TMEM178B: variants seen among roughly 807,000 people sequenced by gnomAD.
TMEM178B encodes the protein transmembrane protein 178B.
TMEM178B carries 5 observed loss-of-function variants against 31.0 expected under a neutral mutation model. That is an observed-to-expected ratio of 0.16 (90% confidence interval 0.08 to 0.34). TMEM178B has a LOEUF of 0.34. Ranked by LOEUF, TMEM178B falls within the 10% of genes least tolerant of loss-of-function variation. The probability of loss-of-function intolerance (pLI) is 1.00; values close to 1 mark genes in which losing one functional copy is unlikely to be tolerated. For synonymous variants in TMEM178B, 164 were observed against 164.0 expected (o/e 1.00, Z 0.00); for missense variants, 275 against 400.3 (o/e 0.69, Z 2.67).
At chr7:141,292,839 C>T (rs374290498) in intron 2 of TMEM178B, among the ~76,000 whole-genome samples, 20 of 151,912 alleles carry the variant, frequency 1.3e-4, no homozygotes, top group African/African-American at 3.9e-4. Context: ...TGTTTCACCA[C>T]GATGGCCAGG....
At chr7:141,366,233 A>T (rs989683925) in intron 2 of TMEM178B, among the ~76,000 whole-genome samples, 2 of 152,164 alleles carry the variant, frequency 1.3e-5, no homozygotes, top group Non-Finnish European at 2.9e-5. Flanking sequence ...GAGCCTGCTG[A>T]TGGGATCCTT....
At chr7:141,412,272 A>G (rs748620672) in intron 2 of TMEM178B, among the ~76,000 whole-genome samples, 3 of 152,236 alleles carry the variant, frequency 2.0e-5, no homozygotes, top group African/African-American at 7.2e-5. Flanking sequence ...TGTCATTCTT[A>G]TGAAACAAGA....
chr7:141,428,387 A>AAAAAAAG (rs1563180017), intron 2 of TMEM178B, among the ~76,000 whole-genome samples: 3 of 143,958 alleles, frequency 2.1e-5, no homozygotes, highest in African/African-American at 8.0e-5. Flanking sequence ...AAAAAAAAGA[A>AAAAAAAG]AAAAAGAAAA....
chr7:141,251,591 A>C (rs11973949), intron 2 of TMEM178B, among the ~76,000 whole-genome samples: 49,433 of 152,052 alleles, frequency 0.33, 9,395 homozygotes, highest in Non-Finnish European at 0.43. Context: ...AGTAAAAATT[A>C]TTAACACATT....
chr7:141,140,130 C>G (rs1795747205), intron 1 of TMEM178B, among the ~76,000 whole-genome samples: 1 of 152,154 alleles, frequency 6.6e-6, no homozygotes, highest in Non-Finnish European at 1.5e-5. Context: ...CTTGCATACC[C>G]CCTCAGCCTT....
intron 2 of TMEM178B, among the ~76,000 whole-genome samples, chr7:141,402,147 C>T (rs76232799): frequency 0.019 from 2,851 of 152,310 alleles, 47 homozygotes; most frequent in Non-Finnish European, 0.028. Flanking sequence ...CCGCTCACTA[C>T]ACTAAAAGGC....
chr7:141,164,509 A>G (rs1011112515), intron 1 of TMEM178B, among the ~76,000 whole-genome samples: 2 of 152,200 alleles, frequency 1.3e-5, no homozygotes, highest in South Asian at 2.1e-4. Context: ...GGACCTGGGC[A>G]CATGTTTCAG....
intron 1 of TMEM178B, among the ~76,000 whole-genome samples, chr7:141,159,374 C>G (rs1796129235): frequency 6.6e-6 from 1 of 152,200 alleles, no homozygotes; most frequent in South Asian, 2.1e-4. Context: ...GCTCCTCGCT[C>G]TGGAAAACAG....
At chr7:141,283,994 C>T (rs764616087) in intron 2 of TMEM178B, among the ~76,000 whole-genome samples, 1 of 152,200 alleles carries the variant, frequency 6.6e-6, no homozygotes, top group African/African-American at 2.4e-5. Context: ...GAGCTGAACC[C>T]GACCTCCTTC....
At chr7:141,243,438 G>T (rs948709088) in intron 2 of TMEM178B, among the ~76,000 whole-genome samples, 9 of 152,152 alleles carry the variant, frequency 5.9e-5, no homozygotes, top group African/African-American at 2.2e-4. Flanking sequence ...GTAGGAAGAA[G>T]CCTCTTAACC....
At chr7:141,503,395 T>C in the TMEM178B span, among the ~76,000 whole-genome samples, 5 of 152,208 alleles carry the variant, frequency 3.3e-5, no homozygotes, top group Non-Finnish European at 7.3e-5. Flanking sequence ...AAGCCTATGC[T>C]GGTAGCCACT....
chr7:141,326,641 C>T (rs563383317), intron 2 of TMEM178B, among the ~76,000 whole-genome samples: 15 of 152,288 alleles, frequency 9.8e-5, no homozygotes, highest in African/African-American at 2.6e-4. Flanking sequence ...TGGAACACAA[C>T]GATGCCCCTT....
chr7:141,103,494 T>C (rs1292780672), intron 1 of TMEM178B, among the ~76,000 whole-genome samples: 1 of 152,180 alleles, frequency 6.6e-6, no homozygotes, highest in Non-Finnish European at 1.5e-5. Flanking sequence ...ATCTATTGAT[T>C]TTTGTGTGTC....
chr7:141,167,414 A>C (rs1201629822), intron 1 of TMEM178B, among the ~76,000 whole-genome samples: 1 of 152,236 alleles, frequency 6.6e-6, no homozygotes, highest in Non-Finnish European at 1.5e-5. Context: ...GGCATGAGGT[A>C]GTCACTGTGA....
At chr7:141,489,824 T>C in the TMEM178B span, among the ~76,000 whole-genome samples, 1 of 152,182 alleles carries the variant, frequency 6.6e-6, no homozygotes. Flanking sequence ...CAAAATAGAC[T>C]ATAATGTAAA....
intron 1 of TMEM178B, among the ~76,000 whole-genome samples, chr7:141,138,783 C>T (rs1426157726): frequency 6.6e-6 from 1 of 151,340 alleles, no homozygotes; most frequent in Non-Finnish European, 1.5e-5. Flanking sequence ...GAGACCGAGA[C>T]CATCCTGGCT....
At chr7:141,190,617 A>G (rs897397861) in intron 1 of TMEM178B, among the ~76,000 whole-genome samples, 1 of 152,072 alleles carries the variant, frequency 6.6e-6, no homozygotes, top group South Asian at 2.1e-4. Context: ...AGCTCATGTA[A>G]TTTACTGAAT....
At chr7:141,177,254 T>C (rs1473230594) in intron 1 of TMEM178B, among the ~76,000 whole-genome samples, 1 of 152,200 alleles carries the variant, frequency 6.6e-6, no homozygotes, top group Admixed American at 6.5e-5. Flanking sequence ...TTGTGCAGTT[T>C]TGAGTGAGTT....
intron 2 of TMEM178B, among the ~76,000 whole-genome samples, chr7:141,236,263 A>C (rs879647239): frequency 6.6e-6 from 1 of 152,184 alleles, no homozygotes; most frequent in Admixed American, 6.5e-5. Context: ...GCTGCTCCCA[A>C]ATTTGAGAAG....
Sources: allele counts gnomAD v4.1 joint callset (sites outside exome capture counted in the v4.1 genomes callset), GRCh38; gene constraint gnomAD v4.1.1; transcripts MANE v1.5; gene names NCBI Gene and HGNC (gene_info 2026-07-23, HGNC 2026-07-21).